Variants in DIAPH3 observed in about 807,000 individuals in gnomAD.
The protein encoded by DIAPH3 is diaphanous related formin 3, also known as protein diaphanous homolog 3.
In DIAPH3, 117 loss-of-function variants were observed where a neutral mutation model predicts 144.3. The observed-to-expected ratio is 0.81, with a 90% CI of 0.70 to 0.95. The LOEUF is 0.95. DIAPH3 is among the 40% of genes least tolerant of loss of function. The pLI is 0.00. For synonymous variants in DIAPH3, 519 were observed against 488.9 expected, an observed-to-expected ratio of 1.06 and a Z score of -0.81; for missense variants, 1,421 against 1,412.7, an observed-to-expected ratio of 1.01 and a Z score of -0.09.
intron 22 of DIAPH3, among the ~76,000 whole-genome samples, chr13:59,851,768 A>C (rs772818461): frequency 3.3e-5 from 5 of 151,344 alleles, no homozygotes; most frequent in African/African-American, 9.7e-5. Context: ...TATTACACAC[A>C]TGCACCACCA....
intron 4 of DIAPH3, among the ~76,000 whole-genome samples, chr13:60,090,548 C>T (rs180909859): frequency 8.0e-4 from 122 of 152,224 alleles, no homozygotes; most frequent in African/African-American, 2.6e-3. Context: ...AAGCCTAAAA[C>T]CATAACAAAA....
chr13:59,840,674 C>T (rs55715192), intron 22 of DIAPH3, among the ~76,000 whole-genome samples: 3 of 151,692 alleles, frequency 2.0e-5, no homozygotes, highest in South Asian at 2.1e-4. Flanking sequence ...TCAGATGCAA[C>T]GTTTAAGGAG....
At chr13:59,994,101 G>A (rs2052029664) in intron 9 of DIAPH3, among the ~76,000 whole-genome samples, 1 of 151,498 alleles carries the variant, frequency 6.6e-6, no homozygotes, top group Non-Finnish European at 1.5e-5. Context: ...TTATTTCCGG[G>A]AACTATTCAA....
chr13:59,949,149 T>G (rs1168848781), intron 17 of DIAPH3, among the ~76,000 whole-genome samples: 1 of 152,164 alleles, frequency 6.6e-6, no homozygotes, highest in Non-Finnish European at 1.5e-5. Context: ...TAGGCTCAGG[T>G]AAAATAGGCC....
intron 20 of DIAPH3, among the ~76,000 whole-genome samples, chr13:59,881,445 T>C (rs953248939): frequency 6.6e-6 from 1 of 152,160 alleles, no homozygotes; most frequent in Admixed American, 6.5e-5. Context: ...TTCTCCAGTA[T>C]TCTATGCAAA....
chr13:60,124,674 G>A (rs2058939543), intron 2 of DIAPH3, among the ~76,000 whole-genome samples: 1 of 152,016 alleles, frequency 6.6e-6, no homozygotes, highest in Admixed American at 6.6e-5. Context: ...GTAACATGGA[G>A]AAACCCCATC....
At chr13:59,905,440 T>A (rs2046685214) in intron 20 of DIAPH3, among the ~76,000 whole-genome samples, 1 of 151,872 alleles carries the variant, frequency 6.6e-6, no homozygotes, top group African/African-American at 2.4e-5. Flanking sequence ...GCCTTTCAAT[T>A]TAGCAATTCA....
chr13:59,810,872 G>A lies in DIAPH3; in HGVS notation c.3079C>T (p.Arg1027Cys), dbSNP rs772568208. Reference protein sequence around the residue: ...KKREAEEKEKRVRIAKELAER... With the variant: ...KKREAEEKEKCVRIAKELAER... ...GCTAATTCTTTAGCTATTCTGACACGTTTTTCTTTTTCCTCTGCTTCTCTT... is the reference window on the plus strand; with the variant it reads ...GCTAATTCTTTAGCTATTCTGACACATTTTTCTTTTTCCTCTGCTTCTCTT... The change falls in exon 25 of 28, where the codon CGT becomes TGT. Residue 1027 changes from arginine to cysteine, a missense_variant. Arg to Cys is a radical substitution (Grantham distance 180, BLOSUM62 -3). Transcript: ENST00000400324. 11 of 1,612,458 alleles carry A rather than the reference G, an allele frequency of 6.8e-6. No individual in the cohort carries two copies. The highest frequency in any genetic ancestry group is 5.3e-5 in the African/African-American group (4 of 74,778).
Position 60,163,734 on chromosome 13 carries a change from C to G in DIAPH3, c.33G>C (p.Pro11=), listed in dbSNP as rs905455195. MERHQPRLHH[P]AQGSAAGTPY... is the part of the protein sequence containing the mutation. ...GAGTCCCAGCGGCTGAGCCTTGGGC[C>G]GGGTGGTGCAGCCGCGGCTGGTGCC... is the stretch of plus-strand genomic sequence containing the variant. The change falls in exon 1 of 28, where the codon CCG becomes CCC. Residue 11 remains proline (P), a synonymous_variant. Transcript: ENST00000400324. The G allele has an allele frequency of 3.1e-6, 5 of 1,605,456 alleles. No homozygotes were observed. The highest frequency in any genetic ancestry group is 2.7e-5 in the African/African-American group (2 of 74,794).
chr13:59,709,667 C>T lies in DIAPH3; in HGVS notation c.3320-42821G>A, dbSNP rs574714247. ...TAGTGGGACTGTAAACTAGTTCAACCGTTGTGGAAGGCAGTGTGGCGATTC... is the reference window on the plus strand; with the variant it reads ...TAGTGGGACTGTAAACTAGTTCAACTGTTGTGGAAGGCAGTGTGGCGATTC... On this transcript the variant is annotated intron_variant, in intron 27 of 27. Coordinates refer to ENST00000400324, the MANE Select transcript of DIAPH3 (RefSeq NM_001042517.2). 1.5e-3 allele frequency among the ~76,000 whole-genome samples: 225 copies of T among 152,284 alleles called. 1 individual carries two copies. The highest frequency in any genetic ancestry group is 3.4e-3 in the Middle Eastern group (1 of 292).
intron 20 of DIAPH3, among the ~76,000 whole-genome samples, chr13:59,895,569 C>A (rs1270102251): frequency 6.6e-6 from 1 of 151,842 alleles, no homozygotes; most frequent in Non-Finnish European, 1.5e-5. Flanking sequence ...GAAGAAAAAT[C>A]AACTCAGACA....
chr13:59,872,684 T>C (rs1386388529), intron 21 of DIAPH3, among the ~76,000 whole-genome samples: 3 of 152,226 alleles, frequency 2.0e-5, no homozygotes, highest in Non-Finnish European at 2.9e-5. Flanking sequence ...TGTTTCTGGT[T>C]TTTATTTTTC....
rs1247606718 is a variant in DIAPH3, at chr13:60,156,950, T to A, written c.180+6637A>T. Among the ~76,000 whole-genome samples the A allele has an allele frequency of 5.0e-4, 39 of 78,622 alleles. 1 individual carries two copies. The highest frequency in any genetic ancestry group is 2.0e-3 in the East Asian group (7 of 3,426). The allele number at this position is 78,622 out of a possible 152,430, so 51.6% of individuals were successfully genotyped here. ...ATATATATATATATATTTTTTTTTT[T>A]TTTTTTTTTGAGACAGAGGAGTCTC... On this transcript the variant is annotated intron_variant, in intron 1 of 27. Coordinates refer to ENST00000400324, the MANE Select transcript of DIAPH3 (RefSeq NM_001042517.2).
intron 15 of DIAPH3, among the ~76,000 whole-genome samples, chr13:59,973,197 T>C (rs938655676): frequency 6.6e-6 from 1 of 152,154 alleles, no homozygotes; most frequent in African/African-American, 2.4e-5. Context: ...CAATAACTTA[T>C]TCAAAAATGG....
chr13:59,919,730 T>C (rs2047417678), intron 18 of DIAPH3, among the ~76,000 whole-genome samples: 1 of 152,034 alleles, frequency 6.6e-6, no homozygotes, highest in African/African-American at 2.4e-5. Flanking sequence ...AACTCACCAG[T>C]AAAAGTAAGT....
At chr13:59,933,619 G>T (rs1342391589) in intron 17 of DIAPH3, among the ~76,000 whole-genome samples, 1 of 152,174 alleles carries the variant, frequency 6.6e-6, no homozygotes, top group Non-Finnish European at 1.5e-5. Flanking sequence ...AGAGTTTTGT[G>T]TTTAATCTTA....
At chr13:59,919,798 T>A (rs2047421548) in intron 18 of DIAPH3, among the ~76,000 whole-genome samples, 1 of 152,058 alleles carries the variant, frequency 6.6e-6, no homozygotes, top group Non-Finnish European at 1.5e-5. Context: ...ATCACTTGTA[T>A]CTTTAAAAGG....
chr13:59,767,822 T>C (rs2139235065), intron 27 of DIAPH3, among the ~76,000 whole-genome samples: 1 of 152,318 alleles, frequency 6.6e-6, no homozygotes, highest in Non-Finnish European at 1.5e-5. Context: ...TGAAAGACAT[T>C]TGCTATTTCT....
chr13:59,771,914 TATC>T (rs879860543), intron 27 of DIAPH3, among the ~76,000 whole-genome samples: 2 of 151,956 alleles, frequency 1.3e-5, no homozygotes, highest in East Asian at 3.9e-4. Context: ...TTATTAATAT[TATC>T]ATTATTTTAC....
Sources: gnomAD v4.1 joint callset for allele counts (sites outside exome capture counted in the v4.1 genomes callset) on GRCh38, gnomAD v4.1.1 for gene constraint, MANE v1.5 for transcripts, NCBI Gene and HGNC (gene_info 2026-07-23, HGNC 2026-07-21) for gene names.